Variants in RBFOX1 observed in about 807,000 individuals in gnomAD.
RBFOX1 encodes the protein RNA binding fox-1 homolog 1.
In RBFOX1, 8 loss-of-function variants were observed where a neutral mutation model predicts 57.7. The ratio of observed to expected loss-of-function variants is 0.14; its 90% CI spans 0.08 to 0.25. The LOEUF (loss-of-function observed/expected upper bound fraction) is 0.25, where lower values mean the gene tolerates loss of function less well. Among genes scored for constraint, RBFOX1 ranks in the 10% least tolerant of loss-of-function variants. The pLI is 1.00. For synonymous variants in RBFOX1, 326 were observed against 222.4 expected (o/e 1.47, Z -4.15); for missense variants, 611 against 548.5 (o/e 1.11, Z -1.14).
chr16:7,316,925 A>G (rs560948514), intron 4 of RBFOX1, among the ~76,000 whole-genome samples: 8 of 151,280 alleles, frequency 5.3e-5, no homozygotes, highest in Admixed American at 2.6e-4. Context: ...ATCTTGACCT[A>G]GAGTTGGATT....
At chr16:5,644,347 C>T (rs770475004) in intron 3 of RBFOX1, among the ~76,000 whole-genome samples, 10 of 152,304 alleles carry the variant, frequency 6.6e-5, no homozygotes, top group East Asian at 1.9e-4. Flanking sequence ...ATAGTAACAG[C>T]ACCCTGAATG....
chr16:6,707,785 T>G (rs1401185332), intron 3 of RBFOX1, among the ~76,000 whole-genome samples: 5 of 152,168 alleles, frequency 3.3e-5, no homozygotes, highest in African/African-American at 9.7e-5. Context: ...AAGAGAAAGT[T>G]TATTAAATTC....
At chr16:6,375,267 C>T (rs1596313738) in intron 2 of RBFOX1, among the ~76,000 whole-genome samples, 1 of 151,636 alleles carries the variant, frequency 6.6e-6, no homozygotes, top group East Asian at 1.9e-4. Context: ...CTTTTATTGG[C>T]CCTTGTTTTG....
intron 3 of RBFOX1, among the ~76,000 whole-genome samples, chr16:6,919,769 C>CTTTTTTTTTTTTT (rs57240620): frequency 8.1e-6 from 1 of 123,510 alleles, no homozygotes; most frequent in Non-Finnish European, 1.6e-5. Context: ...TAAGATCATT[C>CTTTTTTTTTTTTT]TTTTTTTTTT....
In RBFOX1 at chr16:5,951,984, CAT is replaced by C. The variant is rs200241779; in HGVS notation, c.351+84660_351+84661del. On this transcript the variant is annotated intron_variant, in intron 4 of 19. Transcript: ENST00000641259. ...CAGAGGTGGAGATTTGGGGGCCTCGCATATATATATATGTGTGTGTGTATATA... is the reference window on the plus strand; with the variant it reads ...CAGAGGTGGAGATTTGGGGGCCTCGCATATATATATGTGTGTGTGTATATA... Among the ~76,000 whole-genome samples the C allele has an allele frequency of 4.7e-5, 7 of 149,662 alleles. No individual in the cohort carries two copies. The East Asian group carries it at 5.9e-4, about 13-fold the overall frequency.
intron 5 of RBFOX1, among the ~76,000 whole-genome samples, chr16:7,574,238 G>GGGCTGGAGAGAGGAAGACTTAAGAGTT (rs2093084161): frequency 6.6e-6 from 1 of 152,172 alleles, no homozygotes; most frequent in Non-Finnish European, 1.5e-5. Flanking sequence ...TGGGGAGAGT[G>GGGCTGGAGAGAGGAAGACTTAAGAGTT]GGCTGGAGAG....
chr16:5,775,135 T>C (rs2054104494), intron 3 of RBFOX1, among the ~76,000 whole-genome samples: 1 of 152,114 alleles, frequency 6.6e-6, no homozygotes, highest in South Asian at 2.1e-4. Flanking sequence ...CAGAATGTAG[T>C]CCACACCCCC....
At chr16:5,877,691 G>A (rs2057650354) in intron 4 of RBFOX1, among the ~76,000 whole-genome samples, 5 of 152,264 alleles carry the variant, frequency 3.3e-5, no homozygotes, top group Admixed American at 3.3e-4. Flanking sequence ...TGAAGGGAGT[G>A]TGCCCAGAGT....
chr16:6,958,207 C>T (rs747387274), intron 3 of RBFOX1, among the ~76,000 whole-genome samples: 7 of 152,158 alleles, frequency 4.6e-5, no homozygotes, highest in Non-Finnish European at 7.3e-5. Context: ...AGCATTTTTT[C>T]CAGTAAGCTT....
chr16:6,531,839 A>C (rs184289818), intron 2 of RBFOX1, among the ~76,000 whole-genome samples: 1 of 152,344 alleles, frequency 6.6e-6, no homozygotes, highest in Admixed American at 6.5e-5. Context: ...AATTACAGGG[A>C]CAGTCTCAAC....
chr16:5,669,146 G>A (rs2049939913), intron 3 of RBFOX1, among the ~76,000 whole-genome samples: 1 of 152,114 alleles, frequency 6.6e-6, no homozygotes, highest in Non-Finnish European at 1.5e-5. Flanking sequence ...ATTCCAGAGG[G>A]TTGGCCTTTA....
chr16:5,679,490 C>G (rs1380187774), intron 3 of RBFOX1, among the ~76,000 whole-genome samples: 1 of 152,074 alleles, frequency 6.6e-6, no homozygotes, highest in Non-Finnish European at 1.5e-5. Flanking sequence ...TGTCCTGAGG[C>G]TCTCCCTCCC....
At chr16:6,512,777 G>T (rs1270367625) in intron 2 of RBFOX1, among the ~76,000 whole-genome samples, 1 of 152,196 alleles carries the variant, frequency 6.6e-6, no homozygotes, top group South Asian at 2.1e-4. Flanking sequence ...AGGAGCAAGA[G>T]GATGGAGTAG....
chr16:7,291,570 A>G (rs2095775142), intron 4 of RBFOX1, among the ~76,000 whole-genome samples: 2 of 152,244 alleles, frequency 1.3e-5, no homozygotes, highest in African/African-American at 4.8e-5. Context: ...GATTAAGTAA[A>G]TGGAAGGGAG....
chr16:6,880,197 G>T (rs2062645758), intron 3 of RBFOX1, among the ~76,000 whole-genome samples: 1 of 138,382 alleles, frequency 7.2e-6, no homozygotes, highest in Non-Finnish European at 1.6e-5. Context: ...CTCCTTTAAG[G>T]TATAAAAGAG....
intron 3 of RBFOX1, among the ~76,000 whole-genome samples, chr16:5,737,523 G>GT (rs2052621125): frequency 7.6e-6 from 1 of 132,368 alleles, no homozygotes; most frequent in African/African-American, 2.9e-5. Flanking sequence ...AAATATTCTG[G>GT]ATTTTTTTTT....
intron 4 of RBFOX1, among the ~76,000 whole-genome samples, chr16:7,202,461 C>T (rs1228756081): frequency 1.3e-5 from 2 of 152,124 alleles, no homozygotes; most frequent in Non-Finnish European, 2.9e-5. Context: ...GATGATCCAA[C>T]AATTCTTATT....
At chr16:5,464,165 G>T (rs926369275) in intron 1 of RBFOX1, among the ~76,000 whole-genome samples, 2 of 152,186 alleles carry the variant, frequency 1.3e-5, no homozygotes, top group Non-Finnish European at 2.9e-5. Flanking sequence ...CTGGGCTTGG[G>T]CTGTGTGGAG....
chr16:6,245,192 A>G (rs1050712528), intron 1 of RBFOX1, among the ~76,000 whole-genome samples: 3 of 152,084 alleles, frequency 2.0e-5, no homozygotes, highest in African/African-American at 4.8e-5. Flanking sequence ...TTTAACCTCT[A>G]TTTCTTTGTA....
Sources: gnomAD v4.1 joint callset for allele counts (sites outside exome capture counted in the v4.1 genomes callset) on GRCh38, gnomAD v4.1.1 for gene constraint, MANE v1.5 for transcripts, NCBI Gene and HGNC (gene_info 2026-07-23, HGNC 2026-07-21) for gene names.